The following PIWIL4 variants were observed in gnomAD, a reference collection of about 807,000 sequenced individuals.
PIWIL4 encodes the protein piwi like RNA-mediated gene silencing 4.
Under a neutral mutation model 100.9 loss-of-function variants are expected in PIWIL4, and 50 were observed. That is an observed-to-expected ratio of 0.50 (90% CI 0.39 to 0.63). PIWIL4 has a LOEUF of 0.63. Among genes scored for constraint, PIWIL4 ranks in the 20% least tolerant of loss-of-function variants. PIWIL4 has a pLI of 0.00. For synonymous variants in PIWIL4, 342 were observed against 367.5 expected, an observed-to-expected ratio of 0.93 and a Z score of 0.79; for missense variants, 887 against 1,043.3, an observed-to-expected ratio of 0.85 and a Z score of 2.06.
chr11:94,609,063 T>A (rs1565282281), intron 15 of PIWIL4, among the ~76,000 whole-genome samples: 1 of 152,238 alleles, frequency 6.6e-6, no homozygotes, highest in Non-Finnish European at 1.5e-5. Context: ...ATTTATACCC[T>A]GGTCTGCCAC....
At chr11:94,608,723 G>A (rs1591801635) in intron 15 of PIWIL4, 37 bp downstream of exon 15, 1 of 1,534,888 alleles carries the variant, frequency 6.5e-7, no homozygotes, top group Non-Finnish European at 9.0e-7. Context: ...GCTTCATTTA[G>A]TTAGACTATT....
chr11:94,574,732 A>AT (rs2135239474), intron 2 of PIWIL4, among the ~76,000 whole-genome samples: 1 of 152,250 alleles, frequency 6.6e-6, no homozygotes, highest in East Asian at 1.9e-4. Flanking sequence ...TCCGCCCGCC[A>AT]TGACCTCCTA....
intron 7 of PIWIL4, among the ~76,000 whole-genome samples, chr11:94,588,660 C>A (rs1163223114): frequency 6.6e-6 from 1 of 152,154 alleles, no homozygotes; most frequent in Non-Finnish European, 1.5e-5. Flanking sequence ...CAAGGGCCAG[C>A]CCTAGCGGGT....
chr11:94,597,933 A>G lies in PIWIL4; in HGVS notation c.1380+18A>G. 6.4e-7 allele frequency: 1 copy of G among 1,562,040 alleles called. No homozygotes were observed. Among genetic ancestry groups the G allele is most frequent in the South Asian group, 1.1e-5 (1 of 89,776 alleles). ...ACCACATAGTAAGTGCTGTGATTTT[A>G]TTTTCATTTAAAAGTATTTACTTGA... is the stretch of plus-strand genomic sequence containing the variant. On this transcript the variant is annotated intron_variant, in intron 11 of 19. Transcript: ENST00000299001.
At chr11:94,585,390 A>G in intron 5 of PIWIL4, 55 bp from the exon 6 acceptor site, 1 of 1,264,612 alleles carries the variant, frequency 7.9e-7, no homozygotes, top group South Asian at 1.3e-5. Context: ...TTGAACTTAG[A>G]ATTACACTGT....
At chr11:94,584,628 T>A (rs1176304477) in intron 5 of PIWIL4, among the ~76,000 whole-genome samples, 1 of 152,200 alleles carries the variant, frequency 6.6e-6, no homozygotes. Context: ...CAGTGACATT[T>A]GGCAGCCAAA....
At chr11:94,597,169 C>T (rs1324025369) in intron 10 of PIWIL4, among the ~76,000 whole-genome samples, 3 of 152,226 alleles carry the variant, frequency 2.0e-5, no homozygotes, top group Non-Finnish European at 4.4e-5. Flanking sequence ...TATTAATATT[C>T]TCCTCATAGG....
chr11:94,586,043 A>G (rs1411299007), intron 6 of PIWIL4, among the ~76,000 whole-genome samples: 1 of 152,164 alleles, frequency 6.6e-6, no homozygotes, highest in Non-Finnish European at 1.5e-5. Flanking sequence ...TGGTCAAACT[A>G]TAGACAGAGA....
intron 2 of PIWIL4, among the ~76,000 whole-genome samples, chr11:94,569,674 G>A (rs1459807799): frequency 2.6e-5 from 4 of 152,158 alleles, no homozygotes; most frequent in South Asian, 4.2e-4. Flanking sequence ...CACCGCCCCC[G>A]GGCGGCGGCC....
Position 94,621,313 on chromosome 11 carries a change from C to T in PIWIL4, c.*321C>T, listed in dbSNP as rs508485. On this transcript the variant is annotated 3_prime_UTR_variant, in exon 20 of 20. Coordinates refer to ENST00000299001, the MANE Select transcript of PIWIL4 (RefSeq NM_152431.3). Reference sequence around the variant, plus strand: ...AAGTGTTTGCGTGATATTTTGATGACAGATAAACAGAGTCTAATTCCCACC... The same window carrying T: ...AAGTGTTTGCGTGATATTTTGATGATAGATAAACAGAGTCTAATTCCCACC... 0.49 allele frequency: 112,527 copies of T among 227,546 alleles called. 27,801 individuals carry two copies. The highest frequency in any genetic ancestry group is 0.57 in the Middle Eastern group (374 of 658). 14.1% of individuals were successfully genotyped at this position (227,546 alleles called of 1,614,324 possible). A position where few individuals can be genotyped will look rare whatever the true frequency, so the allele number is the denominator to read the frequency against.
In PIWIL4 at chr11:94,601,603, G is replaced by A. The variant is rs576904705; in HGVS notation, c.1381-192G>A. Among the ~76,000 whole-genome samples, 10 of 152,306 alleles carry A rather than the reference G, an allele frequency of 6.6e-5. No individual in the cohort carries two copies. The East Asian group carries it at 7.7e-4, about 12-fold the overall frequency. On this transcript the variant is annotated intron_variant, in intron 11 of 19. Coordinates refer to ENST00000299001, the MANE Select transcript of PIWIL4 (RefSeq NM_152431.3). ...CAGTGCCTGGAAGACCTGGGATGAC[G>A]CCCAGATGCTTCCACTCCCAGAAAG...
chr11:94,614,300 C>CTTTTTTTTTTTTTTTTTT (rs57731239), intron 15 of PIWIL4, among the ~76,000 whole-genome samples: 1 of 120,142 alleles, frequency 8.3e-6, no homozygotes, highest in Non-Finnish European at 1.7e-5. Flanking sequence ...TTTTTCTTTT[C>CTTTTTTTTTTTTTTTTTT]TTTTTTTTTT....
intron 7 of PIWIL4, among the ~76,000 whole-genome samples, chr11:94,588,398 G>A (rs1948434534): frequency 6.6e-6 from 1 of 152,186 alleles, no homozygotes; most frequent in Non-Finnish European, 1.5e-5. Flanking sequence ...ATATAGCAGA[G>A]GGGTGGGACT....
chr11:94,574,907 G>A (rs1371632036), intron 2 of PIWIL4, 92 bp from the exon 3 acceptor site: 1 of 1,317,738 alleles, frequency 7.6e-7, no homozygotes, highest in African/African-American at 1.5e-5. Context: ...AAAACCACAA[G>A]TTTGGATTGC....
chr11:94,573,364 G>A (rs1948186832), intron 2 of PIWIL4, among the ~76,000 whole-genome samples: 1 of 152,158 alleles, frequency 6.6e-6, no homozygotes, highest in Non-Finnish European at 1.5e-5. Flanking sequence ...CCTGTCTTAT[G>A]CCAGTTTTCA....
At chr11:94,573,070 C>A (rs1948182215) in intron 2 of PIWIL4, among the ~76,000 whole-genome samples, 1 of 152,166 alleles carries the variant, frequency 6.6e-6, no homozygotes. Context: ...GGAGTTCACT[C>A]ATGATTTGGC....
chr11:94,613,562 C>A (rs1948810367), intron 15 of PIWIL4, among the ~76,000 whole-genome samples: 1 of 152,186 alleles, frequency 6.6e-6, no homozygotes, highest in Non-Finnish European at 1.5e-5. Context: ...TCTCTGTTCT[C>A]CTTTTGAAAC....
rs779421381 is a variant in PIWIL4, at chr11:94,617,935, C to T, written c.2015-19C>T. ...CATTAGAAAAGTAATTCTTTTCTTACTGACACCAAATTCTGCAGGAGCACT... is the reference window on the plus strand; with the variant it reads ...CATTAGAAAAGTAATTCTTTTCTTATTGACACCAAATTCTGCAGGAGCACT... On this transcript the variant is annotated intron_variant, in intron 16 of 19. Coordinates refer to ENST00000299001, the MANE Select transcript of PIWIL4 (RefSeq NM_152431.3). The T allele has an allele frequency of 6.2e-7, 1 of 1,611,822 alleles. No homozygotes were observed. Among genetic ancestry groups the T allele is most frequent in the Non-Finnish European group, 8.5e-7 (1 of 1,178,062 alleles).
At chr11:94,620,171 A>G (rs746166041) in intron 19 of PIWIL4, 27 bp downstream of exon 19, 2 of 1,550,972 alleles carry the variant, frequency 1.3e-6, no homozygotes, top group South Asian at 1.3e-5. Context: ...TACTTAATGT[A>G]AATATGATAC....
Sources: gnomAD v4.1 joint callset for allele counts (sites outside exome capture counted in the v4.1 genomes callset) on GRCh38, gnomAD v4.1.1 for gene constraint, MANE v1.5 for transcripts, NCBI Gene and HGNC (gene_info 2026-07-23, HGNC 2026-07-21) for gene names.